The following FSTL5 variants were observed in gnomAD, a reference collection of about 807,000 sequenced individuals.
The protein encoded by FSTL5 is follistatin-related protein 5.
A neutral mutation model predicts 89.1 loss-of-function variants in FSTL5; 62 were observed. The observed-to-expected ratio is 0.70, with a 90% CI of 0.57 to 0.86. The LOEUF (loss-of-function observed/expected upper bound fraction) is 0.86. Among genes scored for constraint, FSTL5 ranks in the 40% least tolerant of loss-of-function variants. FSTL5 has a pLI of 0.00. For missense variants in FSTL5, 1,057 were observed against 1,001.6 expected (o/e 1.06, Z -0.75); for synonymous variants, 383 against 346.2 (o/e 1.11, Z -1.18).
At chr4:161,592,912 C>A (rs1422080945) in intron 7 of FSTL5, among the ~76,000 whole-genome samples, 1 of 152,180 alleles carries the variant, frequency 6.6e-6, no homozygotes, top group Non-Finnish European at 1.5e-5. Flanking sequence ...ATTCCTATTT[C>A]TCCACATCCT....
chr4:162,034,948 G>T (rs1737674201), intron 2 of FSTL5, among the ~76,000 whole-genome samples: 1 of 151,990 alleles, frequency 6.6e-6, no homozygotes, highest in African/African-American at 2.4e-5. Flanking sequence ...ATTCTGTTCT[G>T]CTCTTTATTA....
chr4:161,593,362 G>T (rs1733896515), intron 7 of FSTL5, among the ~76,000 whole-genome samples: 1 of 152,158 alleles, frequency 6.6e-6, no homozygotes, highest in Non-Finnish European at 1.5e-5. Flanking sequence ...TTTATGCTAG[G>T]TGAATTTCTG....
At position 161,932,552 on chromosome 4, in the gene FSTL5, T is replaced by C. The variant is rs1407936518; in HGVS notation, c.161-11900A>G. 4.0e-5 allele frequency among the ~76,000 whole-genome samples: 6 copies of C among 151,630 alleles called. No homozygotes were observed. In the East Asian group the frequency reaches 1.2e-3, roughly 29 times the overall value. ...ATACATACATATATGTAAATATATG[T>C]ATGTTTGTATTTTAAAATCTCATGT... is the stretch of plus-strand genomic sequence containing the variant. On this transcript the variant is annotated intron_variant, in intron 3 of 15. Transcript: ENST00000306100.
intron 8 of FSTL5, among the ~76,000 whole-genome samples, chr4:161,577,473 C>CAAAAAAAA (rs544029134): frequency 1.8e-5 from 2 of 110,184 alleles, no homozygotes; most frequent in African/African-American, 3.4e-5. Flanking sequence ...AGAAAAAAGA[C>CAAAAAAAA]AAAAAAAAAA....
chr4:162,034,269 CAG>C (rs1392180489), intron 2 of FSTL5, among the ~76,000 whole-genome samples: 1 of 152,078 alleles, frequency 6.6e-6, no homozygotes, highest in Non-Finnish European at 1.5e-5. Flanking sequence ...TTAATTCTAA[CAG>C]ATATTAAATA....
At chr4:161,634,102 G>A (rs1489815752) in intron 7 of FSTL5, among the ~76,000 whole-genome samples, 1 of 152,174 alleles carries the variant, frequency 6.6e-6, no homozygotes, top group Admixed American at 6.5e-5. Context: ...TATATCCCTA[G>A]ACAATTAAAT....
intron 2 of FSTL5, among the ~76,000 whole-genome samples, chr4:162,039,497 T>C (rs1432370689): frequency 6.6e-6 from 1 of 151,946 alleles, no homozygotes; most frequent in African/African-American, 2.4e-5. Context: ...GGAAAGTTAT[T>C]TTCTTTTTAA....
At chr4:161,699,801 T>A (rs1483950878) in intron 6 of FSTL5, among the ~76,000 whole-genome samples, 5 of 152,104 alleles carry the variant, frequency 3.3e-5, no homozygotes, top group African/African-American at 1.2e-4. Flanking sequence ...ATGCCAGAGT[T>A]GATGGGGGCA....
chr4:162,157,878 T>A (rs1449128499), intron 1 of FSTL5, among the ~76,000 whole-genome samples: 1 of 152,056 alleles, frequency 6.6e-6, no homozygotes, highest in Non-Finnish European at 1.5e-5. Context: ...CCCTAAATGC[T>A]ATATGAAAAC....
intron 2 of FSTL5, among the ~76,000 whole-genome samples, chr4:162,102,107 A>G (rs34559287): frequency 0.12 from 18,080 of 152,068 alleles, 1,210 homozygotes; most frequent in Middle Eastern, 0.26. Context: ...GTTATTCTTT[A>G]GCTAATTATT....
intron 1 of FSTL5, among the ~76,000 whole-genome samples, chr4:162,162,123 G>A (rs1561053303): frequency 6.6e-6 from 1 of 152,016 alleles, no homozygotes; most frequent in Non-Finnish European, 1.5e-5. Context: ...GCAACAATAT[G>A]CATTGCTTGT....
chr4:161,715,339 C>G (rs1738938654), intron 6 of FSTL5, among the ~76,000 whole-genome samples: 1 of 152,134 alleles, frequency 6.6e-6, no homozygotes, highest in Non-Finnish European at 1.5e-5. Flanking sequence ...GCAGATTTGT[C>G]TACTGCCCAA....
rs996152512 is a variant in FSTL5, at chr4:161,883,292, G to A, written c.409+37112C>T. Among the ~76,000 whole-genome samples the A allele has an allele frequency of 3.3e-5, 5 of 152,266 alleles. No individual in the cohort carries two copies. In the East Asian group the frequency reaches 9.6e-4, roughly 29 times the overall value. The stretch of plus-strand genomic sequence containing the variant: ...GATCTGAACAGAGTGAAGAACATTC[G>A]GCTGAACAAGCTCTATTCACTCAAA... On this transcript the variant is annotated intron_variant, in intron 4 of 15. Transcript: ENST00000306100.
intron 6 of FSTL5, among the ~76,000 whole-genome samples, chr4:161,657,238 T>C (rs1736549958): frequency 1.3e-5 from 2 of 152,236 alleles, no homozygotes; most frequent in African/African-American, 4.8e-5. Flanking sequence ...AATTATCAAC[T>C]GTATCATTGT....
intron 2 of FSTL5, among the ~76,000 whole-genome samples, chr4:162,078,842 G>T (rs977757166): frequency 6.6e-6 from 1 of 151,722 alleles, no homozygotes; most frequent in Non-Finnish European, 1.5e-5. Flanking sequence ...ACTAACTCAT[G>T]GTATTTTTAC....
At position 161,947,804 on chromosome 4, in the gene FSTL5, CA is replaced by C. The variant is rs1734777039; in HGVS notation, c.161-27153del. ...ATTGGAATTCAGTTAAATTTATAATCAATTTGTGACAAAAGGGCAACCTAAC... is the reference window on the plus strand; with the variant it reads ...ATTGGAATTCAGTTAAATTTATAATCATTTGTGACAAAAGGGCAACCTAAC... On this transcript the variant is annotated intron_variant, in intron 3 of 15. Coordinates refer to ENST00000306100, the MANE Select transcript of FSTL5 (RefSeq NM_020116.5). Among the ~76,000 whole-genome samples, 4 of 152,154 alleles carry C rather than the reference CA, an allele frequency of 2.6e-5. No homozygotes were observed. In the South Asian group the frequency reaches 8.3e-4, roughly 32 times the overall value.
At position 161,732,655 on chromosome 4, in the gene FSTL5, G is replaced by T. The variant is rs181604996; in HGVS notation, c.727+26756C>A. 8.4e-4 allele frequency among the ~76,000 whole-genome samples: 127 copies of T among 151,872 alleles called. 1 individual carries two copies. Among genetic ancestry groups the T allele is most frequent in the African/African-American group, 3.0e-3 (124 of 41,496 alleles). ...TAAATTTAGTTTTATAATTTCCTTC[G>T]ACTTACTTTTAGTTTATGATGTGAG... is the stretch of plus-strand genomic sequence containing the variant. On this transcript the variant is annotated intron_variant, in intron 6 of 15. Transcript: ENST00000306100.
intron 3 of FSTL5, among the ~76,000 whole-genome samples, chr4:162,027,139 A>T (rs1737324384): frequency 6.6e-6 from 1 of 152,174 alleles, no homozygotes; most frequent in Non-Finnish European, 1.5e-5. Flanking sequence ...TAGATAGAGA[A>T]GGATGTTCTT....
chr4:161,894,544 C>CA (rs1176626927), intron 4 of FSTL5, among the ~76,000 whole-genome samples: 1 of 152,046 alleles, frequency 6.6e-6, no homozygotes, highest in Non-Finnish European at 1.5e-5. Context: ...TACAGTGGCT[C>CA]AATCTTGGCT....
Sources: gnomAD v4.1 joint callset for allele counts (sites outside exome capture counted in the v4.1 genomes callset) on GRCh38, gnomAD v4.1.1 for gene constraint, MANE v1.5 for transcripts, NCBI Gene and HGNC (gene_info 2026-07-23, HGNC 2026-07-21) for gene names.